The following ADGRV1 variants were observed in gnomAD, a reference collection of about 807,000 sequenced individuals.
ADGRV1 encodes the protein adhesion G protein-coupled receptor V1.
In ADGRV1, 359 loss-of-function variants were observed where a neutral mutation model predicts 596.2. The observed-to-expected ratio is 0.60, with a 90% CI of 0.55 to 0.66. The LOEUF is 0.66. ADGRV1 is among the 30% of genes least tolerant of loss of function. ADGRV1 has a pLI of 0.00. For missense variants in ADGRV1, 7,274 were observed against 7,575.6 expected, an observed-to-expected ratio of 0.96 and a Z score of 1.48; for synonymous variants, 2,681 against 2,679.2, an observed-to-expected ratio of 1.00 and a Z score of -0.02.
At chr5:91,045,260 C>T (rs1266076271) in intron 85 of ADGRV1, among the ~76,000 whole-genome samples, 1 of 152,120 alleles carries the variant, frequency 6.6e-6, no homozygotes, top group Non-Finnish European at 1.5e-5. Context: ...GACCAATATC[C>T]CTGATGAACA....
chr5:90,884,848 C>T (rs1770131003), intron 83 of ADGRV1, among the ~76,000 whole-genome samples: 1 of 152,150 alleles, frequency 6.6e-6, no homozygotes, highest in Non-Finnish European at 1.5e-5. Context: ...CCTTCAGTCC[C>T]AAGCAATCCA....
chr5:90,615,087 A>ATT, intron 2 of ADGRV1, 68 bp downstream of exon 2: 6 of 963,448 alleles, frequency 6.2e-6, no homozygotes, highest in Non-Finnish European at 8.7e-6. Flanking sequence ...AATGGCAAGG[A>ATT]TTTTTTTTTT....
intron 45 of ADGRV1, among the ~76,000 whole-genome samples, chr5:90,722,322 T>C (rs1311892924): frequency 6.6e-6 from 1 of 152,040 alleles, no homozygotes. Flanking sequence ...CAAAAAAGAA[T>C]AGATGTATTT....
chr5:91,093,834 C>T (rs1031275607), intron 86 of ADGRV1, among the ~76,000 whole-genome samples: 15 of 150,158 alleles, frequency 1.0e-4, no homozygotes, highest in Non-Finnish European at 2.2e-4. Context: ...GTGTGTATCA[C>T]GTGTATACAT....
intron 1 of ADGRV1, among the ~76,000 whole-genome samples, chr5:90,596,839 G>A (rs573732771): frequency 3.7e-4 from 57 of 152,164 alleles, no homozygotes; most frequent in African/African-American, 1.3e-3. Flanking sequence ...GGGCGAGGGA[G>A]AGGGAGAGCG....
In ADGRV1 at chr5:90,776,435, A is replaced by G. The variant is rs769051372; in HGVS notation, c.12404-18A>G. The stretch of plus-strand genomic sequence containing the variant: ...ATGTGCACCTGCTACAAAGTGGTCT[A>G]TATCATCTTGAATTTAGGTAGTGCA... On this transcript the variant is annotated intron_variant, in intron 60 of 89. Coordinates refer to ENST00000405460, the MANE Select transcript of ADGRV1 (RefSeq NM_032119.4). The G allele has an allele frequency of 5.6e-6, 9 of 1,601,060 alleles. No individual in the cohort carries two copies. The highest frequency in any genetic ancestry group is 3.3e-5 in the South Asian group (3 of 89,616).
In ADGRV1 at chr5:91,064,877, C is replaced by T. The variant is rs572326590; in HGVS notation, c.18153-7570C>T. Reference sequence around the variant, plus strand: ...GCCATTTTGGATTGACCAGGAAATACGTACACACACAATGCATGCATGCAT... The same window carrying T: ...GCCATTTTGGATTGACCAGGAAATATGTACACACACAATGCATGCATGCAT... On this transcript the variant is annotated intron_variant, in intron 85 of 89. Transcript: ENST00000405460. Among the ~76,000 whole-genome samples, 13 of 152,084 alleles carry T rather than the reference C, an allele frequency of 8.5e-5. No individual in the cohort carries two copies. The South Asian group carries it at 2.5e-3, about 29-fold the overall frequency.
At chr5:91,021,604 T>C (rs143549209) in intron 85 of ADGRV1, among the ~76,000 whole-genome samples, 33 of 152,190 alleles carry the variant, frequency 2.2e-4, no homozygotes, top group African/African-American at 7.9e-4. Context: ...AATAGTCCTG[T>C]CCCATCTCAT....
At chr5:90,651,501 T>A in intron 17 of ADGRV1, 103 bp from the exon 18 acceptor site, 6 of 1,033,228 alleles carry the variant, frequency 5.8e-6, no homozygotes, top group Non-Finnish European at 8.1e-6. Context: ...AAATTCTTGC[T>A]GAAATTTTCA....
chr5:90,784,326 C>T (rs150579330), intron 67 of ADGRV1, among the ~76,000 whole-genome samples: 38 of 152,096 alleles, frequency 2.5e-4, no homozygotes, highest in African/African-American at 8.7e-4. Context: ...TTGTTGAGTG[C>T]TTTCTGTGTG....
rs1488027819 is a variant in ADGRV1, at chr5:90,759,416, C to T, written c.11948C>T (p.Ala3983Val). ...CCTTCCTTTCTTTCATAGGTTACTG[C>T]AATGATAGAAATCACCATAATTGAT... ...ILEFADKQVT[A>V]MIEITIIDDA... is the part of the protein sequence containing the mutation. Residue 3983 changes from alanine (A) to valine (V), a missense_variant, in exon 58 of 90, where the codon GCA becomes GTA. By Grantham distance (64) the Ala-to-Val change is moderately conservative (BLOSUM62 0). Coordinates refer to ENST00000405460, the MANE Select transcript of ADGRV1 (RefSeq NM_032119.4). The T allele has an allele frequency of 3.2e-6, 5 of 1,555,100 alleles. No individual in the cohort carries two copies. Among genetic ancestry groups the T allele is most frequent in the Non-Finnish European group, 4.4e-6 (5 of 1,146,992 alleles).
At chr5:90,944,316 G>A (rs957474551) in intron 83 of ADGRV1, among the ~76,000 whole-genome samples, 1 of 152,112 alleles carries the variant, frequency 6.6e-6, no homozygotes, top group Non-Finnish European at 1.5e-5. Flanking sequence ...AAGTTGCTCT[G>A]TGAATCAGGG....
chr5:90,701,241 C>A (rs565184808), intron 34 of ADGRV1, among the ~76,000 whole-genome samples: 3 of 152,206 alleles, frequency 2.0e-5, no homozygotes, highest in African/African-American at 7.2e-5. Context: ...ATAACATACT[C>A]TCTCTTAAGA....
intron 17 of ADGRV1, 47 bp downstream of exon 17, chr5:90,647,811 A>C: frequency 6.5e-7 from 1 of 1,534,860 alleles, no homozygotes; most frequent in Non-Finnish European, 8.9e-7. Context: ...CAGTGCTTTA[A>C]TAAGATGAAA....
At chr5:90,748,769 G>A (rs1177446447) in intron 52 of ADGRV1, among the ~76,000 whole-genome samples, 2 of 148,762 alleles carry the variant, frequency 1.3e-5, no homozygotes, top group Non-Finnish European at 3.0e-5. Context: ...CTTATAAAAA[G>A]TTTCTTCATG....
intron 2 of ADGRV1, among the ~76,000 whole-genome samples, chr5:90,615,947 T>A (rs1258872724): frequency 6.6e-6 from 1 of 152,022 alleles, no homozygotes; most frequent in Non-Finnish European, 1.5e-5. Flanking sequence ...CAGTTACGAA[T>A]GTTATTCTGG....
intron 48 of ADGRV1, among the ~76,000 whole-genome samples, chr5:90,727,434 A>G (rs1279063192): frequency 6.6e-6 from 1 of 151,904 alleles, no homozygotes; most frequent in East Asian, 1.9e-4. Context: ...TCTCTTCCAC[A>G]CCATTATAGT....
intron 86 of ADGRV1, among the ~76,000 whole-genome samples, chr5:91,074,647 G>C (rs1337430883): frequency 6.6e-6 from 1 of 152,184 alleles, no homozygotes; most frequent in Non-Finnish European, 1.5e-5. Flanking sequence ...GTGTGCATGT[G>C]TCTTCATGGT....
intron 4 of ADGRV1, among the ~76,000 whole-genome samples, chr5:90,621,463 TTTGAATGATAAGGAA>T (rs1284115474): frequency 6.6e-6 from 1 of 152,188 alleles, no homozygotes; most frequent in Admixed American, 6.5e-5. Context: ...ATCTCTTTTA[TTTGAATGATAAGGAA>T]TTGAATGATA....
Sources: gnomAD v4.1 joint callset for allele counts (sites outside exome capture counted in the v4.1 genomes callset) on GRCh38, gnomAD v4.1.1 for gene constraint, MANE v1.5 for transcripts, NCBI Gene and HGNC (gene_info 2026-07-23, HGNC 2026-07-21) for gene names.